Variants in ERC1 observed in about 807,000 individuals in gnomAD.
The protein encoded by ERC1 is ELKS/RAB6-interacting/CAST family member 1.
Under a neutral mutation model 132.0 loss-of-function variants are expected in ERC1, and 56 were observed. The observed-to-expected ratio is 0.42, with a 90% CI of 0.34 to 0.53. The LOEUF (loss-of-function observed/expected upper bound fraction) is 0.53. ERC1 is among the 20% of genes least tolerant of loss of function. ERC1 has a pLI of 0.03. For missense variants in ERC1, 1,202 were observed against 1,349.9 expected, an observed-to-expected ratio of 0.89 and a Z score of 1.72; for synonymous variants, 478 against 476.1, an observed-to-expected ratio of 1.00 and a Z score of -0.05.
At chr12:1,219,166 C>T (rs566827331) in intron 12 of ERC1, among the ~76,000 whole-genome samples, 2 of 152,274 alleles carry the variant, frequency 1.3e-5, no homozygotes, top group African/African-American at 4.8e-5. Context: ...AGCCACCATG[C>T]CTGGCCTCAG....
chr12:1,167,935 C>T (rs1422019637), intron 8 of ERC1, among the ~76,000 whole-genome samples: 13 of 151,952 alleles, frequency 8.6e-5, no homozygotes, highest in Admixed American at 5.9e-4. Flanking sequence ...AGGATGCTCT[C>T]GATCTCCTGA....
intron 8 of ERC1, among the ~76,000 whole-genome samples, chr12:1,173,112 A>G (rs535993784): frequency 5.3e-5 from 8 of 152,316 alleles, no homozygotes; most frequent in South Asian, 2.1e-4. Context: ...ATGGTATACT[A>G]TATTAATAAA....
intron 16 of ERC1, among the ~76,000 whole-genome samples, chr12:1,400,916 A>ATTATTATTTTTTTTTTTT (rs2090981093): frequency 1.3e-4 from 2 of 15,040 alleles, no homozygotes; most frequent in Admixed American, 1.1e-3. Context: ...CTATTTTTGT[A>ATTATTATTTTTTTTTTTT]TTTTTTTTTT....
intron 15 of ERC1, among the ~76,000 whole-genome samples, chr12:1,330,192 A>G (rs1005375466): frequency 6.6e-6 from 1 of 152,226 alleles, no homozygotes; most frequent in African/African-American, 2.4e-5. Context: ...GTCAGATAGC[A>G]CAGAAAGGCC....
At chr12:1,252,772 T>C (rs2076548132) in intron 13 of ERC1, among the ~76,000 whole-genome samples, 1 of 152,248 alleles carries the variant, frequency 6.6e-6, no homozygotes, top group Admixed American at 6.5e-5. Flanking sequence ...AACCAAATTC[T>C]GTCTCTGTGT....
At chr12:1,298,126 A>T (rs2080105090) in intron 15 of ERC1, among the ~76,000 whole-genome samples, 1 of 152,234 alleles carries the variant, frequency 6.6e-6, no homozygotes, top group Non-Finnish European at 1.5e-5. Context: ...GAGAGAAAGA[A>T]AGATAGATTA....
intron 2 of ERC1, among the ~76,000 whole-genome samples, chr12:1,057,934 T>G (rs1249988537): frequency 1.3e-5 from 2 of 152,134 alleles, no homozygotes; most frequent in Non-Finnish European, 2.9e-5. Context: ...TGTGTAGGAT[T>G]ATTAGATTAT....
intron 15 of ERC1, among the ~76,000 whole-genome samples, chr12:1,368,574 A>G (rs1179796056): frequency 6.6e-6 from 1 of 152,178 alleles, no homozygotes; most frequent in East Asian, 1.9e-4. Context: ...ACTATACCAT[A>G]TGGTCCTTTC....
intron 13 of ERC1, among the ~76,000 whole-genome samples, chr12:1,240,382 A>G (rs2075714029): frequency 6.6e-6 from 1 of 152,188 alleles, no homozygotes. Flanking sequence ...TCCCTAATAA[A>G]ATGCTGGAAA....
At chr12:1,305,496 C>A (rs2080809563) in intron 15 of ERC1, among the ~76,000 whole-genome samples, 1 of 152,140 alleles carries the variant, frequency 6.6e-6, no homozygotes, top group South Asian at 2.1e-4. Context: ...AGTTTTTAAC[C>A]TACCGCTCCC....
At position 1,083,837 on chromosome 12, in the gene ERC1, GT is replaced by G. The variant is rs1942579882; in HGVS notation, c.1086+259del. ...CTCCCCTGATTTTGAGAGTTCATTT[GT>G]TGCTAAAGGGGTAAAAAATTCCTTG... is the stretch of plus-strand genomic sequence containing the variant. On this transcript the variant is annotated intron_variant, in intron 3 of 18. Coordinates refer to ENST00000360905, the MANE Select transcript of ERC1 (RefSeq NM_178040.4). 8.5e-5 allele frequency among the ~76,000 whole-genome samples: 13 copies of G among 152,224 alleles called. No individual in the cohort carries two copies. In the South Asian group the frequency reaches 2.5e-3, roughly 29 times the overall value.
At chr12:1,042,349 T>TTC (rs1970374698) in intron 2 of ERC1, among the ~76,000 whole-genome samples, 1 of 142,292 alleles carries the variant, frequency 7.0e-6, no homozygotes, top group Non-Finnish European at 1.5e-5. Flanking sequence ...TTTTTTTTTT[T>TTC]TTTTTTTCTT....
intron 14 of ERC1, among the ~76,000 whole-genome samples, chr12:1,285,913 A>G (rs1180354010): frequency 6.6e-6 from 1 of 152,198 alleles, no homozygotes; most frequent in African/African-American, 2.4e-5. Flanking sequence ...GACCAATCCA[A>G]AATTAGTGTA....
At chr12:1,034,899 C>A (rs1342853201) in intron 2 of ERC1, among the ~76,000 whole-genome samples, 1 of 152,096 alleles carries the variant, frequency 6.6e-6, no homozygotes. Flanking sequence ...GATTTTCATG[C>A]CAAAAAACCC....
At position 1,092,277 on chromosome 12, in the gene ERC1, G is replaced by T. The variant is rs186443327; in HGVS notation, c.1086+8697G>T. Among the ~76,000 whole-genome samples, 6 of 152,292 alleles carry T rather than the reference G, an allele frequency of 3.9e-5. No individual in the cohort carries two copies. In the East Asian group the frequency reaches 1.2e-3, roughly 29 times the overall value. On this transcript the variant is annotated intron_variant, in intron 3 of 18. Transcript: ENST00000360905. Reference sequence around the variant, plus strand: ...CTCCTAATATGCTGGGATTATAGGCGTGAGCCACCGCGCCCGGCCCACATT... The same window carrying T: ...CTCCTAATATGCTGGGATTATAGGCTTGAGCCACCGCGCCCGGCCCACATT...
intron 18 of ERC1, among the ~76,000 whole-genome samples, chr12:1,483,735 GCTGGAGTGCA>G (rs1376447527): frequency 6.2e-5 from 8 of 128,866 alleles, no homozygotes; most frequent in Non-Finnish European, 1.2e-4. Context: ...TGTCACCCAG[GCTGGAGTGCA>G]GTGGCGCGAT....
intron 15 of ERC1, among the ~76,000 whole-genome samples, chr12:1,325,776 C>A (rs192470103): frequency 4.6e-5 from 7 of 152,190 alleles, no homozygotes; most frequent in Admixed American, 6.5e-5. Context: ...TGACTCATTT[C>A]TTTCATGAGT....
intron 15 of ERC1, among the ~76,000 whole-genome samples, chr12:1,290,397 TACAC>T (rs960752755): frequency 6.6e-6 from 1 of 152,146 alleles, no homozygotes; most frequent in Non-Finnish European, 1.5e-5. Flanking sequence ...TTTCCAAAGG[TACAC>T]ACAGGTAGAG....
chr12:1,440,291 G>T (rs1271116711), intron 17 of ERC1, among the ~76,000 whole-genome samples: 2 of 132,234 alleles, frequency 1.5e-5, no homozygotes, highest in Non-Finnish European at 3.1e-5. Flanking sequence ...TGCAAGCTCC[G>T]CCTCCTGGGT....
Sources: gnomAD v4.1 joint callset for allele counts (sites outside exome capture counted in the v4.1 genomes callset) on GRCh38, gnomAD v4.1.1 for gene constraint, MANE v1.5 for transcripts, NCBI Gene and HGNC (gene_info 2026-07-23, HGNC 2026-07-21) for gene names.